The following COL6A5 variants were observed in gnomAD, a reference collection of about 807,000 sequenced individuals.
COL6A5 encodes collagen alpha-5(VI) chain.
A neutral mutation model predicts 65.6 loss-of-function variants in COL6A5; 48 were observed. That is an observed-to-expected ratio of 0.73 (90% CI 0.58 to 0.93). The LOEUF is 0.93. Ranked by LOEUF, COL6A5 falls within the 40% of genes least tolerant of loss-of-function variation. The probability of loss-of-function intolerance (pLI) is 0.00; values close to 1 mark genes in which losing one functional copy is unlikely to be tolerated. For missense variants in COL6A5, 914 were observed against 928.3 expected (o/e 0.98, Z 0.20); for synonymous variants, 291 against 322.8 (o/e 0.90, Z 1.05).
At chr3:130,423,045 C>T (rs1937543600) in intron 28 of COL6A5, among the ~76,000 whole-genome samples, 1 of 152,016 alleles carries the variant, frequency 6.6e-6, no homozygotes, top group African/African-American at 2.4e-5. Flanking sequence ...AAATTGATAA[C>T]TTGCTGTTCC....
intron 1 of COL6A5, among the ~76,000 whole-genome samples, chr3:130,365,337 G>A (rs1935293860): frequency 6.6e-6 from 1 of 152,082 alleles, no homozygotes; most frequent in Non-Finnish European, 1.5e-5. Context: ...GAGAGCAGTG[G>A]CGAGATCTCG....
chr3:130,442,016 C>T (rs901671834), intron 3 of COL6A5, among the ~76,000 whole-genome samples: 1 of 152,142 alleles, frequency 6.6e-6, no homozygotes, highest in African/African-American at 2.4e-5. Context: ...TGAGCCTTCA[C>T]TCTTCATTGC....
chr3:130,482,694 A>G (rs1345065251), intron 7 of COL6A5, among the ~76,000 whole-genome samples: 2 of 152,036 alleles, frequency 1.3e-5, no homozygotes, highest in East Asian at 1.9e-4. Flanking sequence ...ATGTTTTTCC[A>G]TTTATTTGTC....
At chr3:130,445,638 G>T (rs1363880809) in intron 4 of COL6A5, among the ~76,000 whole-genome samples, 1 of 152,098 alleles carries the variant, frequency 6.6e-6, no homozygotes, top group African/African-American at 2.4e-5. Flanking sequence ...GGTGTTCTGG[G>T]CTCAGAATGG....
intron 1 of COL6A5, among the ~76,000 whole-genome samples, chr3:130,365,608 ACTT>A (rs2107626425): frequency 6.6e-6 from 1 of 152,254 alleles, no homozygotes; most frequent in Admixed American, 6.5e-5. Context: ...TCTCATGTAA[ACTT>A]CTCAACAACA....
intron 1 of COL6A5, among the ~76,000 whole-genome samples, chr3:130,356,076 C>G (rs999385169): frequency 2.6e-5 from 4 of 151,768 alleles, no homozygotes; most frequent in Admixed American, 6.6e-5. Context: ...TTTTTTCAAC[C>G]AAGATTTATG....
At chr3:130,390,175 G>A (rs184050788) in intron 6 of COL6A5, among the ~76,000 whole-genome samples, 1 of 152,248 alleles carries the variant, frequency 6.6e-6, no homozygotes, top group Admixed American at 6.5e-5. Flanking sequence ...AAACCTGCAA[G>A]GCTCTTCTTG....
At chr3:130,429,232 G>C (rs1169822850), upstream of COL6A5, among the ~76,000 whole-genome samples, 1 of 152,138 alleles carries the variant, frequency 6.6e-6, no homozygotes, top group Non-Finnish European at 1.5e-5. Context: ...TATAAGATGA[G>C]GCAAAACAAA....
At chr3:130,455,362 G>A in intron 4 of COL6A5, 93 bp from the exon 37 acceptor site, 1 of 711,042 alleles carries the variant, frequency 1.4e-6, no homozygotes. Context: ...GGTTTTTTAA[G>A]GAGATAATTA....
intron 4 of COL6A5, among the ~76,000 whole-genome samples, chr3:130,446,948 A>G (rs2107708930): frequency 6.6e-6 from 1 of 152,222 alleles, no homozygotes; most frequent in Middle Eastern, 3.4e-3. Context: ...TGTAATTGGG[A>G]GTGGGGAGTA....
chr3:130,436,771 T>C (rs1166434048), intron 1 of COL6A5, among the ~76,000 whole-genome samples: 1 of 152,198 alleles, frequency 6.6e-6, no homozygotes, highest in Non-Finnish European at 1.5e-5. Flanking sequence ...TCTAATTTTC[T>C]GATTCGGCTT....
chr3:130,440,100 G>T (rs1367584331), intron 2 of COL6A5, 66 bp from the exon 35 acceptor site: 1 of 1,261,760 alleles, frequency 7.9e-7, no homozygotes, highest in Admixed American at 2.5e-5. Flanking sequence ...GTCACTTGAA[G>T]ATCTCAAACA....
intron 1 of COL6A5, among the ~76,000 whole-genome samples, chr3:130,361,775 T>C (rs1022339514): frequency 2.6e-5 from 4 of 152,138 alleles, no homozygotes; most frequent in African/African-American, 7.2e-5. Flanking sequence ...ACCATACTAA[T>C]GGGTGTGTAG....
At chr3:130,440,566 A>G (rs1160613077) in exon 3 of COL6A5, 25 of 1,613,426 alleles carry the variant, frequency 1.5e-5, no homozygotes, top group Non-Finnish European at 2.1e-5. Flanking sequence ...CACCCTATCT[A>G]AGAAAACACA....
intron 23 of COL6A5, 66 bp downstream of exon 23, chr3:130,415,773 AT>A: frequency 2.3e-6 from 3 of 1,299,254 alleles, no homozygotes; most frequent in Non-Finnish European, 2.1e-6. Context: ...GTGCAAAAAA[AT>A]CTTCACATAT....
At chr3:130,469,253 G>A (rs368502118) in exon 6 of COL6A5, 41 of 1,612,918 alleles carry the variant, frequency 2.5e-5, no homozygotes, top group South Asian at 5.5e-5. Flanking sequence ...ATCTGCTGGC[G>A]AAACCAACTC....
chr3:130,433,882 A>G (rs1937925623), intron 1 of COL6A5, among the ~76,000 whole-genome samples: 1 of 151,192 alleles, frequency 6.6e-6, no homozygotes, highest in African/African-American at 2.4e-5. Flanking sequence ...CATCCCTTGT[A>G]TCCCTTGTTT....
chr3:130,414,968 G>A (rs1055768643), intron 22 of COL6A5, among the ~76,000 whole-genome samples: 8 of 152,048 alleles, frequency 5.3e-5, no homozygotes, highest in African/African-American at 1.9e-4. Flanking sequence ...CCATTCCCAG[G>A]CTTTGGGGTG....
intron 1 of COL6A5, among the ~76,000 whole-genome samples, chr3:130,438,773 A>G (rs529432878): frequency 2.6e-5 from 4 of 152,296 alleles, no homozygotes; most frequent in Admixed American, 1.3e-4. Context: ...TAATAAAAGT[A>G]TCTGTTTTGC....
Sources: allele counts gnomAD v4.1 joint callset (sites outside exome capture counted in the v4.1 genomes callset), GRCh38; gene constraint gnomAD v4.1.1; transcripts MANE v1.5; gene names NCBI Gene and HGNC (gene_info 2026-07-23, HGNC 2026-07-21).